SLIT3: variants seen among roughly 807,000 people sequenced by gnomAD.
SLIT3 encodes slit guidance ligand 3, also known as slit homolog 3 protein.
Under a neutral mutation model 184.0 loss-of-function variants are expected in SLIT3, and 68 were observed. The ratio of observed to expected loss-of-function variants is 0.37; its 90% CI spans 0.30 to 0.45. The LOEUF (loss-of-function observed/expected upper bound fraction) is 0.45, where lower values mean the gene tolerates loss of function less well. Ranked by LOEUF, SLIT3 falls within the 20% of genes least tolerant of loss-of-function variation. The pLI, the probability that SLIT3 is intolerant of heterozygous loss-of-function variation, is 1.00. For synonymous variants in SLIT3, 831 were observed against 828.6 expected, an observed-to-expected ratio of 1.00 and a Z score of -0.05; for missense variants, 1,707 against 2,026.0, an observed-to-expected ratio of 0.84 and a Z score of 3.02.
chr5:168,729,769 C>T (rs752246571), intron 20 of SLIT3, among the ~76,000 whole-genome samples: 3 of 151,996 alleles, frequency 2.0e-5, no homozygotes, highest in Non-Finnish European at 4.4e-5. Context: ...GGCAACACCA[C>T]AGAATTTCAC....
At chr5:169,281,286 G>A (rs760436722) in intron 1 of SLIT3, among the ~76,000 whole-genome samples, 14 of 152,200 alleles carry the variant, frequency 9.2e-5, no homozygotes, top group Non-Finnish European at 1.9e-4. Flanking sequence ...AGACCATCCT[G>A]GCCAACATGG....
At chr5:169,149,339 G>GTTTTT (rs777239863) in intron 4 of SLIT3, among the ~76,000 whole-genome samples, 1 of 117,354 alleles carries the variant, frequency 8.5e-6, no homozygotes, top group Non-Finnish European at 1.8e-5. Context: ...TACAACATGG[G>GTTTTT]CTTTTTTTTT....
chr5:168,710,345 C>T (rs1355167667), intron 25 of SLIT3: 3 of 152,124 alleles, frequency 2.0e-5, no homozygotes, highest in Non-Finnish European at 4.4e-5. Context: ...CTGTTGCATA[C>T]AAACTCAGTA....
chr5:169,218,516 C>T (rs140001754), intron 3 of SLIT3, among the ~76,000 whole-genome samples: 135 of 152,316 alleles, frequency 8.9e-4, no homozygotes, highest in African/African-American at 2.9e-3. Context: ...ACCACATCTC[C>T]AGGTGACTGG....
At chr5:169,168,966 A>G (rs977854419) in intron 4 of SLIT3, among the ~76,000 whole-genome samples, 1 of 152,178 alleles carries the variant, frequency 6.6e-6, no homozygotes, top group Non-Finnish European at 1.5e-5. Context: ...AGCACTAGGG[A>G]GCCTGCTTAA....
intron 3 of SLIT3, among the ~76,000 whole-genome samples, chr5:169,212,015 G>A (rs906065123): frequency 3.9e-4 from 59 of 152,066 alleles, no homozygotes; most frequent in Non-Finnish European, 7.2e-4. Context: ...TTTATCCAGT[G>A]TATCATTGAT....
intron 4 of SLIT3, chr5:169,012,227 CTG>C (rs1221062065): frequency 6.6e-6 from 1 of 152,170 alleles, no homozygotes; most frequent in African/African-American, 2.4e-5. Context: ...CCTGTGATAA[CTG>C]TGTGTATTTC....
intron 4 of SLIT3, among the ~76,000 whole-genome samples, chr5:169,066,149 A>G (rs1758342221): frequency 6.6e-6 from 1 of 152,182 alleles, no homozygotes; most frequent in East Asian, 1.9e-4. Context: ...TGTAAAAACT[A>G]TTTTTGAGCA....
intron 16 of SLIT3, among the ~76,000 whole-genome samples, chr5:168,756,352 T>C (rs909513391): frequency 1.3e-5 from 2 of 152,216 alleles, no homozygotes; most frequent in Middle Eastern, 3.2e-3. Flanking sequence ...GCAGGCTGAC[T>C]GCCCTCTTCC....
At chr5:168,834,475 C>T (rs1009204341) in intron 6 of SLIT3, among the ~76,000 whole-genome samples, 2 of 151,470 alleles carry the variant, frequency 1.3e-5, no homozygotes, top group Admixed American at 6.6e-5. Flanking sequence ...GCGGATCACT[C>T]GAGGTCAGGA....
intron 2 of SLIT3, among the ~76,000 whole-genome samples, chr5:169,246,207 G>C (rs1269355539): frequency 1.5e-4 from 23 of 152,176 alleles, no homozygotes; most frequent in Admixed American, 1.5e-3. Context: ...ACCAGAAGTA[G>C]AACTGGTCAG....
At chr5:168,993,301 GCT>G (rs1755395444) in intron 4 of SLIT3, among the ~76,000 whole-genome samples, 1 of 152,208 alleles carries the variant, frequency 6.6e-6, no homozygotes, top group African/African-American at 2.4e-5. Flanking sequence ...TCTCAGGGGG[GCT>G]CCGGGTCCGG....
chr5:168,896,780 C>G (rs925486848), intron 4 of SLIT3, among the ~76,000 whole-genome samples: 1 of 152,164 alleles, frequency 6.6e-6, no homozygotes, highest in Non-Finnish European at 1.5e-5. Flanking sequence ...AGAAGGGGGG[C>G]CTGAAGGGCG....
chr5:168,765,483 G>A (rs1426120576), intron 14 of SLIT3, among the ~76,000 whole-genome samples: 3 of 152,046 alleles, frequency 2.0e-5, no homozygotes, highest in African/African-American at 4.8e-5. Flanking sequence ...GTACATAACC[G>A]AAAAAGTTCG....
At chr5:168,753,631 T>C (rs549493718) in intron 17 of SLIT3, among the ~76,000 whole-genome samples, 3 of 152,218 alleles carry the variant, frequency 2.0e-5, no homozygotes, top group Non-Finnish European at 4.4e-5. Flanking sequence ...GGTGACTATG[T>C]TGGGTGTGTG....
intron 20 of SLIT3, among the ~76,000 whole-genome samples, chr5:168,734,643 A>G (rs1158981455): frequency 6.6e-6 from 1 of 152,214 alleles, no homozygotes; most frequent in Non-Finnish European, 1.5e-5. Flanking sequence ...GTAAATGTCT[A>G]TTAAGTGCTT....
intron 11 of SLIT3, among the ~76,000 whole-genome samples, chr5:168,787,411 T>C (rs1407689136): frequency 1.3e-5 from 2 of 152,068 alleles, no homozygotes; most frequent in African/African-American, 4.8e-5. Flanking sequence ...GCCTGTGTGG[T>C]CTCCTCAGGC....
In SLIT3 at chr5:169,144,152, T is replaced by C. The variant is rs140955605; in HGVS notation, c.413+49327A>G. ...GTATCTCTGCTTCTTCCCATTGTCT[T>C]GTGACACTCACCTCGCCCAGCTCTG... On this transcript the variant is annotated intron_variant, in intron 4 of 35. Transcript: ENST00000519560. 9.4e-4 allele frequency among the ~76,000 whole-genome samples: 143 copies of C among 152,320 alleles called. 5 individuals carry two copies. The highest frequency in any genetic ancestry group is 3.3e-3 in the African/African-American group (139 of 41,570).
intron 4 of SLIT3, among the ~76,000 whole-genome samples, chr5:168,980,416 C>T (rs539264301): frequency 6.6e-5 from 10 of 152,266 alleles, no homozygotes; most frequent in South Asian, 2.1e-4. Context: ...AACCGTCCTA[C>T]GAAGTAAATG....
Sources: gnomAD v4.1 joint callset for allele counts (sites outside exome capture counted in the v4.1 genomes callset) on GRCh38, gnomAD v4.1.1 for gene constraint, MANE v1.5 for transcripts, NCBI Gene and HGNC (gene_info 2026-07-23, HGNC 2026-07-21) for gene names.